The following ABRAXAS1 variants were observed in gnomAD, a reference collection of about 807,000 sequenced individuals.
ABRAXAS1 encodes the protein abraxas 1, BRCA1 A complex subunit.
In ABRAXAS1, 26 loss-of-function variants were observed where a neutral mutation model predicts 38.4. That is an observed-to-expected ratio of 0.68 (90% CI 0.50 to 0.94). The LOEUF is 0.94. Among genes scored for constraint, ABRAXAS1 ranks in the 40% least tolerant of loss-of-function variants. The probability of loss-of-function intolerance (pLI) is 0.00; values close to 1 mark genes in which losing one functional copy is unlikely to be tolerated. For synonymous variants in ABRAXAS1, 144 were observed against 165.5 expected, an observed-to-expected ratio of 0.87 and a Z score of 1.00; for missense variants, 438 against 481.9, an observed-to-expected ratio of 0.91 and a Z score of 0.85.
intron 2 of ABRAXAS1, chr4:83,477,705 G>A (rs914047506): frequency 1.6e-5 from 10 of 612,720 alleles, no homozygotes; most frequent in Middle Eastern, 2.8e-4. Context: ...AAATATAGAC[G>A]GATGTTTCAT....
chr4:83,480,006 A>C (rs1039836029), intron 2 of ABRAXAS1: 1 of 170,804 alleles, frequency 5.9e-6, no homozygotes, highest in African/African-American at 2.4e-5. Flanking sequence ...CACAGATACT[A>C]TTCTGTACTT....
intron 2 of ABRAXAS1, chr4:83,479,403 C>CA (rs34420709): frequency 0.47 from 48,593 of 102,754 alleles, 11,064 homozygotes; most frequent in African/African-American, 0.56. Flanking sequence ...GACTCTGTTT[C>CA]AAAAAAAAAA....
At chr4:83,472,333 TAAG>T in intron 3 of ABRAXAS1, 45 bp from the exon 4 acceptor site, 1 of 1,131,436 alleles carries the variant, frequency 8.8e-7, no homozygotes, top group Non-Finnish European at 1.2e-6. Flanking sequence ...GCTAAAAATA[TAAG>T]TAATTTTATT....
intron 3 of ABRAXAS1, among the ~76,000 whole-genome samples, 180 bp downstream of exon 3, chr4:83,476,463 A>G (rs1324411646): frequency 6.6e-6 from 1 of 152,224 alleles, no homozygotes; most frequent in Non-Finnish European, 1.5e-5. Context: ...ACAGAGAAAG[A>G]ACTGCTAGGG....
chr4:83,483,826 G>A (rs1044966600), intron 1 of ABRAXAS1, among the ~76,000 whole-genome samples: 19 of 151,970 alleles, frequency 1.3e-4, no homozygotes, highest in Admixed American at 2.0e-4. Context: ...TACTTCCCAA[G>A]GGCTAATCGT....
At chr4:83,472,191 C>A (rs773900422) in intron 4 of ABRAXAS1, 31 bp downstream of exon 4, 101 of 1,393,510 alleles carry the variant, frequency 7.2e-5, no homozygotes, top group Non-Finnish European at 9.2e-5. Context: ...GCAAATAATA[C>A]CAAAAAAAGG....
chr4:83,467,341 C>T (rs777412072), intron 7 of ABRAXAS1, 113 bp downstream of exon 7: 1 of 691,540 alleles, frequency 1.4e-6, no homozygotes, highest in Non-Finnish European at 2.6e-6. Context: ...CATTAAGCAA[C>T]TCATAACTGT....
rs374462211 is a variant in ABRAXAS1 at position 83,462,454 on chromosome 4, G to T, written c.*15C>A. 2.7e-5 allele frequency: 42 copies of T among 1,580,420 alleles called. No individual in the cohort carries two copies. Among genetic ancestry groups the T allele is most frequent in the South Asian group, 3.5e-5 (3 of 85,552 alleles). On this transcript the variant is annotated 3_prime_UTR_variant, in exon 9 of 9. Coordinates refer to ENST00000321945, the MANE Select transcript of ABRAXAS1 (RefSeq NM_139076.3). ...ATCAGCCAAATAAAAAAATCTCCTTGTAAGGTTAAAAGGATCAAAATGTAG... is the reference window on the plus strand; with the variant it reads ...ATCAGCCAAATAAAAAAATCTCCTTTTAAGGTTAAAAGGATCAAAATGTAG...
rs538482631 is a variant in ABRAXAS1, at chr4:83,471,943, A to C, written c.282+279T>G. Among the ~76,000 whole-genome samples, 8 of 152,296 alleles carry C rather than the reference A, an allele frequency of 5.3e-5. 1 individual carries two copies. Among genetic ancestry groups the C allele is most frequent in the African/African-American group, 1.9e-4 (8 of 41,558 alleles). The stretch of plus-strand genomic sequence containing the variant: ...ACAGAACTGATTAGGTCACAGAATA[A>C]ATGGTAGTGGGAAGAGGTGTGGTGG... On this transcript the variant is annotated intron_variant, in intron 4 of 8. Transcript: ENST00000321945.
At chr4:83,475,443 G>C (rs902351620) in intron 3 of ABRAXAS1, among the ~76,000 whole-genome samples, 2 of 152,036 alleles carry the variant, frequency 1.3e-5, no homozygotes, top group African/African-American at 4.8e-5. Flanking sequence ...TAGTTATGCT[G>C]ATTTTTCTTT....
intron 2 of ABRAXAS1, chr4:83,478,096 A>C: frequency 1.1e-6 from 1 of 877,012 alleles, no homozygotes; most frequent in Non-Finnish European, 1.9e-6. Flanking sequence ...TAGAGCTACC[A>C]GTCTATGATT....
rs1722136944 is a variant in ABRAXAS1, at chr4:83,462,036, T to C, written c.*433A>G. 4.4e-6 allele frequency: 1 copy of C among 229,240 alleles called. No homozygotes were observed. Among genetic ancestry groups the C allele is most frequent in the Admixed American group, 5.7e-5 (1 of 17,656 alleles). 14.2% of individuals were successfully genotyped at this position (229,240 alleles called of 1,614,324 possible). ...TTCATATAAATTTCTTTCCATATTT[T>C]GAAAATAAGGCTATTCTTGCTTTTC... On this transcript the variant is annotated 3_prime_UTR_variant, in exon 9 of 9. Coordinates refer to ENST00000321945, the MANE Select transcript of ABRAXAS1 (RefSeq NM_139076.3).
intron 3 of ABRAXAS1, among the ~76,000 whole-genome samples, chr4:83,473,341 T>C (rs574756286): frequency 9.9e-4 from 151 of 152,250 alleles, no homozygotes; most frequent in African/African-American, 3.5e-3. Flanking sequence ...GAAATTCTTC[T>C]CTAAAGACAA....
rs1376301070 is a variant in ABRAXAS1, at chr4:83,467,497, T to C, written c.638A>G (p.His213Arg). 6 of 1,569,286 alleles carry C rather than the reference T, an allele frequency of 3.8e-6. No homozygotes were observed. The highest frequency in any genetic ancestry group is 1.1e-5 in the South Asian group (1 of 88,120). Residue 213 changes from histidine to arginine, a missense_variant, in exon 7 of 9, where the codon CAT (histidine) becomes CGT (arginine). By Grantham distance (29) the His-to-Arg change is conservative (BLOSUM62 0). Transcript: ENST00000321945. ...FEEDGSLKEVHKINEMYASLQ... is the reference protein window; with the variant it reads ...FEEDGSLKEVRKINEMYASLQ... ...TGAAGCATACATTTCATTTATCTTA[T>C]GTACCTCCTTTAAGGATCCATCTTC...
rs34734728 is a variant in ABRAXAS1, at chr4:83,460,905, CA to C, written c.*1563del. On this transcript the variant is annotated 3_prime_UTR_variant, in exon 9 of 9. Coordinates refer to ENST00000321945, the MANE Select transcript of ABRAXAS1 (RefSeq NM_139076.3). ...TGGGTGACACAGGGAGACTCCATCT[CA>C]AAAAAAAAAATTGCAAACTTTAAAT... The C allele has an allele frequency of 0.42, 522,817 of 1,248,016 alleles. 91,032 individuals carry two copies. The highest frequency in any genetic ancestry group is 0.63 in the East Asian group (24,424 of 38,746). The allele number at this position is 1,248,016 out of a possible 1,614,324, so 77.3% of individuals were successfully genotyped here. A position where few individuals can be genotyped will look rare whatever the true frequency, so the allele number is the denominator to read the frequency against.
intron 8 of ABRAXAS1, 91 bp from the exon 9 acceptor site, chr4:83,462,993 G>A: frequency 1.2e-6 from 1 of 847,402 alleles, no homozygotes; most frequent in East Asian, 2.7e-5. Context: ...AAGTCAAAAA[G>A]ATTTTAACAG....
chr4:83,464,145 C>A (rs376063462), intron 7 of ABRAXAS1, among the ~76,000 whole-genome samples: 1 of 152,138 alleles, frequency 6.6e-6, no homozygotes, highest in African/African-American at 2.4e-5. Flanking sequence ...CAAAATTGCA[C>A]CACTGCACTC....
chr4:83,476,763 G>A (rs1246134067), intron 2 of ABRAXAS1, 84 bp from the exon 3 acceptor site: 9 of 835,644 alleles, frequency 1.1e-5, no homozygotes, highest in South Asian at 1.5e-5. Flanking sequence ...TTTACCTCAC[G>A]CCAGGAAGTA....
intron 1 of ABRAXAS1, 128 bp downstream of exon 1, chr4:83,484,858 C>G (rs1419304133): frequency 4.1e-6 from 3 of 724,302 alleles, no homozygotes; most frequent in South Asian, 4.3e-5. Context: ...AAGGCAGAGC[C>G]GCGACCGCAG....
Sources: gnomAD v4.1 joint callset for allele counts (sites outside exome capture counted in the v4.1 genomes callset) on GRCh38, gnomAD v4.1.1 for gene constraint, MANE v1.5 for transcripts, NCBI Gene and HGNC (gene_info 2026-07-23, HGNC 2026-07-21) for gene names.